The following FEZF1 variants were observed in gnomAD, a reference collection of about 807,000 sequenced individuals.
FEZF1 encodes the protein FEZ family zinc finger 1, also known as fez family zinc finger protein 1.
FEZF1 carries 8 observed loss-of-function variants against 32.4 expected under a neutral mutation model. That is an observed-to-expected ratio of 0.25 (90% CI 0.15 to 0.45). The LOEUF is 0.45. Ranked by LOEUF, FEZF1 falls within the 20% of genes least tolerant of loss-of-function variation. The probability of loss-of-function intolerance (pLI) is 1.00; values close to 1 mark genes in which losing one functional copy is unlikely to be tolerated. For missense variants in FEZF1, 546 were observed against 622.3 expected (o/e 0.88, Z 1.31); for synonymous variants, 259 against 265.2 (o/e 0.98, Z 0.23).
In FEZF1 at chr7:122,302,752, G is replaced by T; in HGVS notation, c.1069+47C>A. 1 of 1,573,110 alleles carries T rather than the reference G, an allele frequency of 6.4e-7. No homozygotes were observed. Among genetic ancestry groups the T allele is most frequent in the Non-Finnish European group, 8.6e-7 (1 of 1,156,102 alleles). ...AAAACATCCCGAAAGTATTAAGTATGGCTTTTCATAAGACTAACCATGAGA... is the reference window on the plus strand; with the variant it reads ...AAAACATCCCGAAAGTATTAAGTATTGCTTTTCATAAGACTAACCATGAGA... On this transcript the variant is annotated intron_variant, in intron 3 of 3. Coordinates refer to ENST00000442488, the MANE Select transcript of FEZF1 (RefSeq NM_001024613.4). The surrounding 1 kb of genome is among the most constrained non-coding windows in gnomAD (Gnocchi z 4.4).
At position 122,304,446 on chromosome 7, in the gene FEZF1, C is replaced by A; in HGVS notation, c.-9G>T. 1 of 1,533,752 alleles carries A rather than the reference C, an allele frequency of 6.5e-7. No individual in the cohort carries two copies. The highest frequency in any genetic ancestry group is 1.2e-5 in the South Asian group (1 of 80,100). Reference sequence around the variant, plus strand: ...TGGCAGCTACTGTCCATGTCTGAGTCGCCAGCGTCCGTCAGCCGGGGCTGG... The same window carrying A: ...TGGCAGCTACTGTCCATGTCTGAGTAGCCAGCGTCCGTCAGCCGGGGCTGG... On this transcript the variant is annotated 5_prime_UTR_variant, in exon 1 of 4. Coordinates refer to ENST00000442488, the MANE Select transcript of FEZF1 (RefSeq NM_001024613.4).
rs55746123 is a variant in FEZF1 at position 122,304,503 on chromosome 7, G to C, written c.-66C>G. 217 of 1,378,620 alleles carry C rather than the reference G, an allele frequency of 1.6e-4. No individual in the cohort carries two copies. The highest frequency in any genetic ancestry group is 2.1e-4 in the Non-Finnish European group (213 of 1,021,682). The allele number at this position is 1,378,620 out of a possible 1,614,324, so 85.4% of individuals were successfully genotyped here. On this transcript the variant is annotated 5_prime_UTR_variant, in exon 1 of 4. Coordinates refer to ENST00000442488, the MANE Select transcript of FEZF1 (RefSeq NM_001024613.4). ...CCGTCCGTTGCCTTGTTCCCTGCTT[G>C]TCACAGACCTGCGGAGAGGGGGACG... is the stretch of plus-strand genomic sequence containing the variant.
At chr7:122,308,047 A>G (rs894154353), upstream of FEZF1, among the ~76,000 whole-genome samples, 3 of 152,236 alleles carry the variant, frequency 2.0e-5, no homozygotes, top group Non-Finnish European at 4.4e-5. Context: ...AAACGTTTCA[A>G]TGCAAGTATT....
chr7:122,309,905 A>ATTTT (rs747039462), intron 1 of FEZF1: 2 of 152,224 alleles, frequency 1.3e-5, no homozygotes, highest in South Asian at 4.1e-4. Flanking sequence ...TTTTAAAGAC[A>ATTTT]TTTTGTGTTT....
Position 122,304,163 on chromosome 7 carries a change from C to A in FEZF1, c.275G>T (p.Gly92Val). 1 of 1,602,242 alleles carries A rather than the reference C, an allele frequency of 6.2e-7. No homozygotes were observed. Among genetic ancestry groups the A allele is most frequent in the Non-Finnish European group, 8.5e-7 (1 of 1,172,914 alleles). The change falls in exon 1 of 4, where the codon GGC becomes GTC. Residue 92 changes from glycine to valine, a missense_variant. By Grantham distance (109) the Gly-to-Val change is moderately radical. Coordinates refer to ENST00000442488, the MANE Select transcript of FEZF1 (RefSeq NM_001024613.4). ...CAGACTGGCCTTCCGCGGCTCGGAG[C>A]CCGTCACTCCTGCCTTGGGGCTCGT... ...YDTSPKAGVTGSEPRKASLEA... is the reference protein window; with the variant it reads ...YDTSPKAGVTVSEPRKASLEA...
Position 122,302,850 on chromosome 7 carries a change from C to T in FEZF1, c.1018G>A (p.Gly340Ser), listed in dbSNP as rs1386377911. The change falls in exon 3 of 4, where the codon GGC becomes AGC. Residue 340 changes from glycine (G) to serine (S), a missense_variant. This residue lies in a region of FEZF1 where 118 missense variants were observed against 188.7 expected (regional missense o/e 0.63). Coordinates refer to ENST00000442488, the MANE Select transcript of FEZF1 (RefSeq NM_001024613.4). The surrounding 1 kb of genome is among the most constrained non-coding windows in gnomAD (Gnocchi z 4.4). ...AATTCACACACAAACGGTTTGTAGC[C>T]CGCGTGTATTCGGGTATGAGTGTTT... is the stretch of plus-strand genomic sequence containing the variant. ...TLNTHTRIHA[G>S]YKPFVCEFCG... is the part of the protein sequence containing the mutation. 1 of 1,613,876 alleles carries T rather than the reference C, an allele frequency of 6.2e-7. No homozygotes were observed. Among genetic ancestry groups the T allele is most frequent in the Non-Finnish European group, 8.5e-7 (1 of 1,180,012 alleles).
upstream of FEZF1, among the ~76,000 whole-genome samples, chr7:122,308,116 A>C (rs73717637): frequency 0.048 from 7,334 of 152,330 alleles, 475 homozygotes; most frequent in African/African-American, 0.15. Flanking sequence ...GGCAAAATAG[A>C]AACTCTTACA....
chr7:122,305,274 A>C (rs1166001470), upstream of FEZF1: 1 of 151,928 alleles, frequency 6.6e-6, no homozygotes, highest in Admixed American at 6.6e-5. Flanking sequence ...CCGCAGACCT[A>C]TTTCTTCCTC....
rs2031139256 is a variant in FEZF1, at chr7:122,303,543, AGGGAAGGAAGGAGGGAAGGAG to A, written c.801+73_801+93del. The A allele has an allele frequency of 3.6e-5, 14 of 388,734 alleles. 1 individual carries two copies. The highest frequency in any genetic ancestry group is 1.6e-4 in the South Asian group (6 of 37,254). 24.1% of individuals were successfully genotyped at this position (388,734 alleles called of 1,614,324 possible). A position where few individuals can be genotyped will look rare whatever the true frequency, so the allele number is the denominator to read the frequency against. On this transcript the variant is annotated intron_variant, in intron 1 of 3. Transcript: ENST00000442488. ...GAAGGAAGGAAGGAAGGAAGGAGGG[AGGGAAGGAAGGAGGGAAGGAG>A]GGAGGGAGGGAGGGAAGGAAGGAAG...
chr7:122,305,424 G>A (rs1201088566), upstream of FEZF1: 1 of 152,266 alleles, frequency 6.6e-6, no homozygotes, highest in Non-Finnish European at 1.5e-5. Context: ...CTTGTTCTGT[G>A]TTTGTGGTTT....
intron 2 of FEZF1, 57 bp downstream of exon 2, chr7:122,303,120 G>A: frequency 6.2e-7 from 1 of 1,610,898 alleles, no homozygotes. Flanking sequence ...TTTATCGGCT[G>A]TTTTTCTGCA....
upstream of FEZF1, chr7:122,304,797 T>TA: frequency 4.9e-6 from 1 of 203,104 alleles, no homozygotes; most frequent in East Asian, 1.2e-4. Context: ...AAAACTTTTT[T>TA]TTTTTTCATC....
chr7:122,310,124 TAG>T (rs2031382883), intron 1 of FEZF1: 1 of 152,224 alleles, frequency 6.6e-6, no homozygotes, highest in African/African-American at 2.4e-5. Context: ...GGAGAAGCAG[TAG>T]AGGTAAATAA....
upstream of FEZF1, chr7:122,307,334 C>T (rs2031313241): frequency 6.6e-6 from 1 of 152,414 alleles, no homozygotes; most frequent in Non-Finnish European, 1.5e-5. Context: ...CACTCCTCCG[C>T]CACCGGGCTA....
At chr7:122,308,755 C>T (rs1232736438), upstream of FEZF1, among the ~76,000 whole-genome samples, 1 of 151,584 alleles carries the variant, frequency 6.6e-6, no homozygotes, top group Non-Finnish European at 1.5e-5. Flanking sequence ...TGTTCAACGT[C>T]TCTGACCCCC....
chr7:122,302,254 T>A lies in FEZF1; in HGVS notation c.1171A>T (p.Met391Leu). 1 of 1,614,086 alleles carries A rather than the reference T, an allele frequency of 6.2e-7. No individual in the cohort carries two copies. The highest frequency in any genetic ancestry group is 1.1e-5 in the South Asian group (1 of 91,088). ...GGCTTCTTGTCGTTGTGGGTGTGCATGTGGAAGGTGAGGTTGTAAACCTGG... is the reference window on the plus strand; with the variant it reads ...GGCTTCTTGTCGTTGTGGGTGTGCAAGTGGAAGGTGAGGTTGTAAACCTGG... ...FHQVYNLTFH[M>L]HTHNDKKPFT... The change falls in exon 4 of 4, where the codon ATG becomes TTG. Residue 391 changes from methionine to leucine, a missense_variant. Coordinates refer to ENST00000442488, the MANE Select transcript of FEZF1 (RefSeq NM_001024613.4). The surrounding 1 kb of genome is among the most constrained non-coding windows in gnomAD (Gnocchi z 4.4).
intron 1 of FEZF1, 68 bp from the exon 2 acceptor site, chr7:122,303,379 G>A: frequency 2.5e-6 from 4 of 1,571,350 alleles, no homozygotes; most frequent in Non-Finnish European, 3.5e-6. Context: ...CGGGCAGAGA[G>A]AGGGTAGGAG....
Position 122,304,521 on chromosome 7 carries a change from G to A in FEZF1, c.-84C>T. 1.6e-6 allele frequency: 2 copies of A among 1,227,238 alleles called. No individual in the cohort carries two copies. Among genetic ancestry groups the A allele is most frequent in the Non-Finnish European group, 1.1e-6 (1 of 899,972 alleles). The allele number at this position is 1,227,238 out of a possible 1,614,324, so 76.0% of individuals were successfully genotyped here. ...CCTGCTTGTCACAGACCTGCGGAGA[G>A]GGGGACGGGCACCATCACCACCAGT... On this transcript the variant is annotated 5_prime_UTR_variant, in exon 1 of 4. Transcript: ENST00000442488.
At chr7:122,306,508 C>T (rs559158366), upstream of FEZF1, 34 of 152,374 alleles carry the variant, frequency 2.2e-4, no homozygotes, top group African/African-American at 6.7e-4. Context: ...ATTCTCAACA[C>T]ATGCCAGGCA....
Sources: gnomAD v4.1 joint callset for allele counts (sites outside exome capture counted in the v4.1 genomes callset) on GRCh38, gnomAD v4.1.1 for gene constraint, gnomAD v4.1.1 regional missense constraint, Gnocchi (gnomAD v3.1) non-coding constraint, MANE v1.5 for transcripts, NCBI Gene and HGNC (gene_info 2026-07-23, HGNC 2026-07-21) for gene names.